AGBL4: variants seen among roughly 807,000 people sequenced by gnomAD.
AGBL4 encodes the protein AGBL carboxypeptidase 4.
Under a neutral mutation model 66.4 loss-of-function variants are expected in AGBL4, and 58 were observed. The observed-to-expected ratio is 0.87, with a 90% CI of 0.71 to 1.09. The LOEUF (loss-of-function observed/expected upper bound fraction) is 1.09. Ranked by LOEUF, AGBL4 falls within the 50% of genes least tolerant of loss-of-function variation. The pLI, the probability that AGBL4 is intolerant of heterozygous loss-of-function variation, is 0.00. For missense variants in AGBL4, 579 were observed against 631.0 expected, an observed-to-expected ratio of 0.92 and a Z score of 0.88; for synonymous variants, 234 against 222.9, an observed-to-expected ratio of 1.05 and a Z score of -0.44.
At chr1:48,838,505 C>T (rs1018177908) in intron 6 of AGBL4, among the ~76,000 whole-genome samples, 1 of 152,066 alleles carries the variant, frequency 6.6e-6, no homozygotes, top group African/African-American at 2.4e-5. Flanking sequence ...TAAAACTAGA[C>T]CCCTATCTCT....
At chr1:48,761,611 G>A in intron 6 of AGBL4, 1 of 846,356 alleles carries the variant, frequency 1.2e-6, no homozygotes, top group Non-Finnish European at 1.8e-6. Context: ...CTCAAGGCTG[G>A]TTCCCTCTTG....
intron 3 of AGBL4, among the ~76,000 whole-genome samples, chr1:49,624,677 A>G (rs1645431848): frequency 1.3e-5 from 2 of 152,146 alleles, no homozygotes; most frequent in African/African-American, 4.8e-5. Flanking sequence ...ATCCACCTTT[A>G]AGCTATGAAA....
chr1:48,815,907 C>G (rs1934372), intron 6 of AGBL4, among the ~76,000 whole-genome samples: 124,421 of 152,178 alleles, frequency 0.82, 53,622 homozygotes, highest in Non-Finnish European at 0.96. Flanking sequence ...CAGATGTGGT[C>G]TCTCTTTCTG....
At chr1:49,587,155 A>G (rs948286565) in intron 3 of AGBL4, among the ~76,000 whole-genome samples, 5 of 152,168 alleles carry the variant, frequency 3.3e-5, no homozygotes, top group African/African-American at 1.2e-4. Context: ...CTGAGGCAGG[A>G]GAATTGCTTG....
intron 1 of AGBL4, among the ~76,000 whole-genome samples, chr1:49,911,615 C>G (rs1571854265): frequency 6.6e-6 from 1 of 152,138 alleles, no homozygotes; most frequent in East Asian, 1.9e-4. Context: ...TGTGAAACCC[C>G]TAGTGGAGCC....
chr1:48,676,381 G>A (rs1646365459), intron 6 of AGBL4, among the ~76,000 whole-genome samples: 1 of 152,266 alleles, frequency 6.6e-6, no homozygotes, highest in Non-Finnish European at 1.5e-5. Flanking sequence ...TCAGGCACAA[G>A]CGCAGTGACT....
chr1:49,689,472 T>C (rs1331682644), intron 3 of AGBL4, among the ~76,000 whole-genome samples: 1 of 152,212 alleles, frequency 6.6e-6, no homozygotes, highest in South Asian at 2.1e-4. Context: ...TTGGTTACTA[T>C]AGCTCTGCAG....
chr1:49,071,843 G>T (rs1180922254), intron 4 of AGBL4, among the ~76,000 whole-genome samples: 1 of 150,122 alleles, frequency 6.7e-6, no homozygotes, highest in Non-Finnish European at 1.5e-5. Context: ...TGACAGTGGG[G>T]TGTTAAAGTC....
chr1:49,325,396 T>A lies in AGBL4; in HGVS notation c.283-79532A>T, dbSNP rs1168642178. Among the ~76,000 whole-genome samples the A allele has an allele frequency of 2.0e-5, 3 of 152,236 alleles. No individual in the cohort carries two copies. In the East Asian group the frequency reaches 5.8e-4, roughly 29 times the overall value. On this transcript the variant is annotated intron_variant, in intron 3 of 13. Coordinates refer to ENST00000371839, the MANE Select transcript of AGBL4 (RefSeq NM_032785.4). ...CTTAAGGAAAAGTGTTAGCATCTCATGATCATTTAATCCCATTAACTCCCC... is the reference window on the plus strand; with the variant it reads ...CTTAAGGAAAAGTGTTAGCATCTCAAGATCATTTAATCCCATTAACTCCCC...
At chr1:49,149,220 A>C (rs1646279195) in intron 4 of AGBL4, among the ~76,000 whole-genome samples, 1 of 152,210 alleles carries the variant, frequency 6.6e-6, no homozygotes, top group Non-Finnish European at 1.5e-5. Flanking sequence ...CTCCAGAAGT[A>C]GCTGTCCCTA....
At chr1:48,821,502 A>G (rs1024263794) in intron 6 of AGBL4, among the ~76,000 whole-genome samples, 4 of 152,198 alleles carry the variant, frequency 2.6e-5, no homozygotes, top group African/African-American at 9.6e-5. Context: ...ACAGAAAGTC[A>G]AGTACCACAT....
At chr1:49,457,568 G>A (rs1022086506) in intron 3 of AGBL4, among the ~76,000 whole-genome samples, 2 of 151,506 alleles carry the variant, frequency 1.3e-5, no homozygotes, top group East Asian at 1.9e-4. Flanking sequence ...AGTTTAACTC[G>A]GTTCCATCTT....
At chr1:48,869,340 G>T (rs976892280) in intron 5 of AGBL4, among the ~76,000 whole-genome samples, 5 of 152,168 alleles carry the variant, frequency 3.3e-5, no homozygotes, top group African/African-American at 1.2e-4. Context: ...CACGGAACCA[G>T]GCCAGTGGGA....
chr1:48,941,984 C>G (rs533069732), intron 5 of AGBL4, among the ~76,000 whole-genome samples: 1 of 152,306 alleles, frequency 6.6e-6, no homozygotes, highest in African/African-American at 2.4e-5. Flanking sequence ...GCCTTTTTCT[C>G]TTGCCCGTGC....
At chr1:48,808,054 G>C (rs1645967637) in intron 6 of AGBL4, among the ~76,000 whole-genome samples, 1 of 152,256 alleles carries the variant, frequency 6.6e-6, no homozygotes, top group South Asian at 2.1e-4. Context: ...TATTTGTAGA[G>C]GGACTGCTTT....
chr1:49,584,907 A>G (rs567493483), intron 3 of AGBL4, among the ~76,000 whole-genome samples: 1 of 152,332 alleles, frequency 6.6e-6, no homozygotes, highest in South Asian at 2.1e-4. Flanking sequence ...GCTCAAGATC[A>G]CACAGCTTGT....
chr1:49,846,130 G>A (rs1646136400), intron 2 of AGBL4: 1 of 1,481,768 alleles, frequency 6.7e-7, no homozygotes, highest in Non-Finnish European at 9.4e-7. Flanking sequence ...TCAAACACCA[G>A]AGGATTCATA....
chr1:48,987,050 T>C (rs1660231185), intron 5 of AGBL4, among the ~76,000 whole-genome samples: 1 of 151,276 alleles, frequency 6.6e-6, no homozygotes, highest in Non-Finnish European at 1.5e-5. Context: ...GGAAATAAAA[T>C]GAAACCGTAA....
At chr1:49,278,865 A>T (rs971810935) in intron 3 of AGBL4, among the ~76,000 whole-genome samples, 2 of 152,176 alleles carry the variant, frequency 1.3e-5, no homozygotes, top group African/African-American at 4.8e-5. Flanking sequence ...AGTAAAGCTG[A>T]TGTAACATTA....
Sources: allele counts gnomAD v4.1 joint callset (sites outside exome capture counted in the v4.1 genomes callset), GRCh38; gene constraint gnomAD v4.1.1; transcripts MANE v1.5; gene names NCBI Gene and HGNC (gene_info 2026-07-23, HGNC 2026-07-21).